The following STX6 variants were observed in gnomAD, a reference collection of about 807,000 sequenced individuals.
STX6 encodes the protein syntaxin 6.
A neutral mutation model predicts 38.0 loss-of-function variants in STX6; 23 were observed. The ratio of observed to expected loss-of-function variants is 0.60; its 90% CI spans 0.43 to 0.86. The LOEUF is 0.86. Ranked by LOEUF, STX6 falls within the 40% of genes least tolerant of loss-of-function variation. STX6 has a pLI of 0.00. For synonymous variants in STX6, 123 were observed against 107.5 expected (o/e 1.14, Z -0.89); for missense variants, 274 against 312.9 (o/e 0.88, Z 0.94).
chr1:180,984,271 C>T (rs1350683346), intron 7 of STX6, among the ~76,000 whole-genome samples: 1 of 151,376 alleles, frequency 6.6e-6, no homozygotes, highest in Non-Finnish European at 1.5e-5. Flanking sequence ...ATCAGCTAGG[C>T]ACGGTGGCTC....
intron 7 of STX6, among the ~76,000 whole-genome samples, chr1:180,983,352 C>T (rs1421116706): frequency 1.3e-5 from 2 of 152,210 alleles, no homozygotes; most frequent in African/African-American, 2.4e-5. Context: ...AAGGGAGGTG[C>T]TCTACAGTCA....
At chr1:181,005,940 T>C (rs990542077) in intron 1 of STX6, among the ~76,000 whole-genome samples, 1 of 152,206 alleles carries the variant, frequency 6.6e-6, no homozygotes, top group Non-Finnish European at 1.5e-5. Flanking sequence ...CATTTTATTA[T>C]AGGTTAAGTA....
At chr1:180,995,190 T>G (rs560241388) in intron 3 of STX6, among the ~76,000 whole-genome samples, 5 of 152,220 alleles carry the variant, frequency 3.3e-5, no homozygotes, top group Non-Finnish European at 7.4e-5. Context: ...CTCGATCTCT[T>G]GATCTTGTGA....
chr1:180,984,606 A>G (rs1300240299), intron 7 of STX6, 71 bp downstream of exon 7: 1 of 638,924 alleles, frequency 1.6e-6, no homozygotes, highest in Non-Finnish European at 2.8e-6. Flanking sequence ...GGGCATAACT[A>G]TGAGACAACA....
At chr1:180,977,941 C>G (rs1300018950) in intron 7 of STX6, among the ~76,000 whole-genome samples, 1 of 152,198 alleles carries the variant, frequency 6.6e-6, no homozygotes, top group African/African-American at 2.4e-5. Context: ...CTACCTCAGA[C>G]ATACTAGAAA....
chr1:181,009,923 C>T (rs1656345046), intron 1 of STX6, among the ~76,000 whole-genome samples: 1 of 152,042 alleles, frequency 6.6e-6, no homozygotes, highest in Admixed American at 6.5e-5. Context: ...CTACATACAA[C>T]AACATAGATG....
At chr1:181,022,391 G>A (rs1656763213) in intron 1 of STX6, among the ~76,000 whole-genome samples, 1 of 152,162 alleles carries the variant, frequency 6.6e-6, no homozygotes, top group Non-Finnish European at 1.5e-5. Flanking sequence ...TTGTACCGCA[G>A]CACACAGGCC....
At position 181,006,141 on chromosome 1, in the gene STX6, CA is replaced by C. The variant is rs1656219801; in HGVS notation, c.36-679del. 5.3e-5 allele frequency among the ~76,000 whole-genome samples: 8 copies of C among 152,240 alleles called. No individual in the cohort carries two copies. In the South Asian group the frequency reaches 1.7e-3, roughly 32 times the overall value. On this transcript the variant is annotated intron_variant, in intron 1 of 7. Transcript: ENST00000258301. The stretch of plus-strand genomic sequence containing the variant: ...GAAATGGTGCGATCTTGGCTCACTG[CA>C]ACCTCCACCTCCCGGGTTCAAGTGA...
In STX6 at chr1:180,972,834, A is replaced by C. The variant is rs892249479; in HGVS notation, c.*3736T>G. 1 of 220,104 alleles carries C rather than the reference A, an allele frequency of 4.5e-6. No individual in the cohort carries two copies. Among genetic ancestry groups the C allele is most frequent in the Non-Finnish European group, 9.4e-6 (1 of 106,216 alleles). 13.6% of individuals were successfully genotyped at this position (220,104 alleles called of 1,614,324 possible). On this transcript the variant is annotated 3_prime_UTR_variant, in exon 8 of 8. Transcript: ENST00000258301. ...ACTCTGATCGGAGCTACTGAAAGGT[A>C]CCTGCTTTCAGCAAATTCTGGTTTG...
At chr1:181,018,928 T>C (rs1656647959) in intron 1 of STX6, among the ~76,000 whole-genome samples, 1 of 152,214 alleles carries the variant, frequency 6.6e-6, no homozygotes, top group African/African-American at 2.4e-5. Context: ...TTGACAGTAG[T>C]GTGAAATCAG....
chr1:180,980,089 C>T (rs1351859325), intron 7 of STX6, among the ~76,000 whole-genome samples: 6 of 151,818 alleles, frequency 4.0e-5, no homozygotes, highest in Admixed American at 3.9e-4. Flanking sequence ...GGCCTGTAAT[C>T]CCAGCTACTT....
Position 180,989,928 on chromosome 1 carries a change from T to C in STX6, c.489+56A>G, listed in dbSNP as rs1655704082. ...AAGACCCCATGGCTGGCAAAGGAACTAAGGGGGTGTCTTGTTTCCCACTGG... is the reference window on the plus strand; with the variant it reads ...AAGACCCCATGGCTGGCAAAGGAACCAAGGGGGTGTCTTGTTTCCCACTGG... On this transcript the variant is annotated intron_variant, in intron 5 of 7. Coordinates refer to ENST00000258301, the MANE Select transcript of STX6 (RefSeq NM_005819.6). 3 of 1,605,192 alleles carry C rather than the reference T, an allele frequency of 1.9e-6. No homozygotes were observed. The African/African-American group carries it at 4.0e-5, about 21-fold the overall frequency.
intron 2 of STX6, 118 bp from the exon 3 acceptor site, chr1:181,002,818 C>G: frequency 1.5e-6 from 1 of 662,838 alleles, no homozygotes; most frequent in Non-Finnish European, 2.7e-6. Context: ...TCTGAAAACA[C>G]AGTCAGCTGG....
intron 4 of STX6, 84 bp downstream of exon 4, chr1:180,993,279 C>T (rs941709551): frequency 8.3e-6 from 7 of 840,762 alleles, no homozygotes; most frequent in South Asian, 4.2e-5. Context: ...ATTACATGAT[C>T]CATGGATGGT....
At chr1:180,993,282 T>C (rs1036404997) in intron 4 of STX6, 81 bp downstream of exon 4, 9 of 859,318 alleles carry the variant, frequency 1.0e-5, no homozygotes, top group South Asian at 1.4e-5. Flanking sequence ...ACATGATCCA[T>C]GGATGGTCAG....
chr1:180,994,768 G>A (rs190689334), intron 3 of STX6, among the ~76,000 whole-genome samples: 1 of 152,224 alleles, frequency 6.6e-6, no homozygotes, highest in East Asian at 1.9e-4. Context: ...TCAGTAGGGT[G>A]ACTATAGTTC....
chr1:181,003,975 A>G (rs1442659896), intron 2 of STX6, among the ~76,000 whole-genome samples: 1 of 152,218 alleles, frequency 6.6e-6, no homozygotes, highest in Non-Finnish European at 1.5e-5. Context: ...CAGTCTACAA[A>G]AAGATTTTTT....
At chr1:181,012,126 C>T (rs1319155385) in intron 1 of STX6, among the ~76,000 whole-genome samples, 1 of 152,164 alleles carries the variant, frequency 6.6e-6, no homozygotes, top group Non-Finnish European at 1.5e-5. Context: ...TGTCAGAGTT[C>T]TTCAGCTTAG....
chr1:181,016,987 T>C (rs1343875665), intron 1 of STX6, among the ~76,000 whole-genome samples: 1 of 151,602 alleles, frequency 6.6e-6, no homozygotes, highest in Non-Finnish European at 1.5e-5. Context: ...CAGGGAGAAG[T>C]GCTTGAACCC....
Sources: allele counts gnomAD v4.1 joint callset (sites outside exome capture counted in the v4.1 genomes callset), GRCh38; gene constraint gnomAD v4.1.1; transcripts MANE v1.5; gene names NCBI Gene and HGNC (gene_info 2026-07-23, HGNC 2026-07-21).